Variants in PTPRT observed in about 807,000 individuals in gnomAD.
PTPRT encodes the protein protein tyrosine phosphatase receptor type T, also known as receptor-type tyrosine-protein phosphatase T.
Under a neutral mutation model 176.8 loss-of-function variants are expected in PTPRT, and 56 were observed. The ratio of observed to expected loss-of-function variants is 0.32; its 90% CI spans 0.26 to 0.40. The LOEUF (loss-of-function observed/expected upper bound fraction) is 0.40. Among genes scored for constraint, PTPRT ranks in the 10% least tolerant of loss-of-function variants. The probability of loss-of-function intolerance (pLI) is 1.00; values close to 1 mark genes in which losing one functional copy is unlikely to be tolerated. For synonymous variants in PTPRT, 783 were observed against 739.0 expected (o/e 1.06, Z -0.96); for missense variants, 1,540 against 1,908.2 (o/e 0.81, Z 3.60).
chr20:42,990,669 T>A (rs1983858491), intron 1 of PTPRT, among the ~76,000 whole-genome samples: 2 of 152,226 alleles, frequency 1.3e-5, no homozygotes, highest in African/African-American at 4.8e-5. Context: ...TCAATTATAT[T>A]TTTAAACAAA....
At chr20:43,065,638 A>G (rs2011106279) in intron 1 of PTPRT, among the ~76,000 whole-genome samples, 1 of 152,222 alleles carries the variant, frequency 6.6e-6, no homozygotes, top group African/African-American at 2.4e-5. Flanking sequence ...ACCTTAGCAC[A>G]ATGAATCAGA....
chr20:42,907,941 A>T (rs1351346642), intron 1 of PTPRT, among the ~76,000 whole-genome samples: 5 of 152,144 alleles, frequency 3.3e-5, no homozygotes, highest in Non-Finnish European at 7.4e-5. Context: ...AGGGGCTGAC[A>T]CACCCTGAAG....
At chr20:42,954,416 G>A (rs1003435285) in intron 1 of PTPRT, among the ~76,000 whole-genome samples, 2 of 152,126 alleles carry the variant, frequency 1.3e-5, no homozygotes, top group Non-Finnish European at 1.5e-5. Flanking sequence ...CCTGGTCCAG[G>A]AGGACAGCAT....
At chr20:42,972,676 C>CAAAAAAAAAAAAA (rs33947245) in intron 1 of PTPRT, among the ~76,000 whole-genome samples, 1 of 77,566 alleles carries the variant, frequency 1.3e-5, no homozygotes, top group African/African-American at 5.0e-5. Context: ...TCTCAAAAAG[C>CAAAAAAAAAAAAA]AAAAAAAAAA....
intron 1 of PTPRT, among the ~76,000 whole-genome samples, chr20:43,066,006 C>T (rs11699403): frequency 0.13 from 20,454 of 152,150 alleles, 1,749 homozygotes; most frequent in East Asian, 0.21. Flanking sequence ...GTATATACCC[C>T]TATATCTGCA....
chr20:42,915,691 G>A (rs757633600), intron 1 of PTPRT, among the ~76,000 whole-genome samples: 26 of 151,886 alleles, frequency 1.7e-4, no homozygotes, highest in East Asian at 5.8e-4. Context: ...TCTCAAACTC[G>A]GCCAATCCTC....
chr20:42,840,190 C>T (rs2078252586), intron 2 of PTPRT, among the ~76,000 whole-genome samples: 1 of 149,888 alleles, frequency 6.7e-6, no homozygotes, highest in South Asian at 2.2e-4. Flanking sequence ...ACTTGGTTTA[C>T]AGCTGCGTGA....
Position 43,081,216 on chromosome 20 carries a change from T to A in PTPRT, c.88+108430A>T, listed in dbSNP as rs1015756474. The stretch of plus-strand genomic sequence containing the variant: ...TGGAGCAACTTGAACCAGGCAGGGA[T>A]TATCTACTTATATAAAACTGCATGG... On this transcript the variant is annotated intron_variant, in intron 1 of 30. Coordinates refer to ENST00000373187, the MANE Select transcript of PTPRT (RefSeq NM_007050.6). Among the ~76,000 whole-genome samples, 32 of 152,200 alleles carry A rather than the reference T, an allele frequency of 2.1e-4. 1 individual carries two copies. The highest frequency in any genetic ancestry group is 2.9e-5 in the Non-Finnish European group (2 of 68,026).
At chr20:42,406,663 C>A in intron 9 of PTPRT, among the ~76,000 whole-genome samples, 1 of 152,144 alleles carries the variant, frequency 6.6e-6, no homozygotes, top group African/African-American at 2.4e-5. Flanking sequence ...ACATAATTTT[C>A]ATGCCAAAAC....
chr20:42,804,265 C>A (rs912224568), intron 2 of PTPRT, among the ~76,000 whole-genome samples: 5 of 152,164 alleles, frequency 3.3e-5, no homozygotes, highest in African/African-American at 1.2e-4. Context: ...ACCTTTCTCC[C>A]ATTCCCCATC....
chr20:42,726,061 T>TTAC (rs1183102555), intron 6 of PTPRT, among the ~76,000 whole-genome samples: 3 of 66,720 alleles, frequency 4.5e-5, no homozygotes, highest in Non-Finnish European at 6.8e-5. Context: ...GGCATCTTTA[T>TTAC]TATTATTATT....
chr20:42,080,943 GAGAGGAGCAGAGGCAGAGAGGGAGA>G lies in PTPRT; in HGVS notation c.4273-36_4273-12del. 1 of 1,577,176 alleles carries G rather than the reference GAGAGGAGCAGAGGCAGAGAGGGAGA, an allele frequency of 6.3e-7. No homozygotes were observed. The highest frequency in any genetic ancestry group is 8.7e-7 in the Non-Finnish European group (1 of 1,147,020). The stretch of plus-strand genomic sequence containing the variant: ...AAATTTATACTGTTCCTGAGAGGCG[GAGAGGAGCAGAGGCAGAGAGGGAGA>G]AGAGGAGACGAGAGAGATGAAAAAG... On this transcript the variant is annotated splice_polypyrimidine_tract_variant and intron_variant, in intron 30 of 30. Coordinates refer to ENST00000373187, the MANE Select transcript of PTPRT (RefSeq NM_007050.6).
intron 9 of PTPRT, among the ~76,000 whole-genome samples, chr20:42,427,947 C>T (rs1207211027): frequency 6.6e-6 from 1 of 152,140 alleles, no homozygotes; most frequent in African/African-American, 2.4e-5. Context: ...TGTAATTTTC[C>T]ATTACCTTCC....
chr20:42,407,224 T>C (rs529857515), intron 9 of PTPRT, among the ~76,000 whole-genome samples: 12 of 152,334 alleles, frequency 7.9e-5, no homozygotes, highest in African/African-American at 2.6e-4. Context: ...AGTTTTACAG[T>C]TGTTGCAGCT....
chr20:42,259,668 G>A (rs1045416227), intron 13 of PTPRT, among the ~76,000 whole-genome samples: 3 of 152,198 alleles, frequency 2.0e-5, no homozygotes, highest in Non-Finnish European at 4.4e-5. Flanking sequence ...GTTTCAGACC[G>A]CAGTCAAGGT....
At chr20:42,112,876 G>C (rs923386908) in intron 22 of PTPRT, among the ~76,000 whole-genome samples, 3 of 152,216 alleles carry the variant, frequency 2.0e-5, no homozygotes, top group Admixed American at 6.5e-5. Flanking sequence ...GCTGAAGTGA[G>C]AGAGGAGAAA....
At chr20:42,705,885 G>A (rs1386505320) in intron 6 of PTPRT, among the ~76,000 whole-genome samples, 3 of 152,150 alleles carry the variant, frequency 2.0e-5, no homozygotes, top group Non-Finnish European at 4.4e-5. Flanking sequence ...CTATTGATAT[G>A]ATTATGTTAT....
intron 1 of PTPRT, among the ~76,000 whole-genome samples, chr20:43,020,659 C>T (rs1229150002): frequency 6.6e-6 from 1 of 152,144 alleles, no homozygotes; most frequent in Non-Finnish European, 1.5e-5. Context: ...CCTAAGCATG[C>T]TGGGAATCTG....
chr20:42,912,521 G>A (rs1600549705), intron 1 of PTPRT, among the ~76,000 whole-genome samples: 2 of 151,828 alleles, frequency 1.3e-5, no homozygotes, highest in East Asian at 3.9e-4. Flanking sequence ...ATTATTTTTG[G>A]TACATGTACA....
Sources: allele counts gnomAD v4.1 joint callset (sites outside exome capture counted in the v4.1 genomes callset), GRCh38; gene constraint gnomAD v4.1.1; transcripts MANE v1.5; gene names NCBI Gene and HGNC (gene_info 2026-07-23, HGNC 2026-07-21).